The following PLCB1 variants were observed in gnomAD, a reference collection of about 807,000 sequenced individuals.
PLCB1 encodes phospholipase C beta 1, also known as 1-phosphatidylinositol 4,5-bisphosphate phosphodiesterase beta-1.
Under a neutral mutation model 161.8 loss-of-function variants are expected in PLCB1, and 46 were observed. The observed-to-expected ratio is 0.28, with a 90% CI of 0.22 to 0.36. The LOEUF is 0.36. Ranked by LOEUF, PLCB1 falls within the 10% of genes least tolerant of loss-of-function variation. PLCB1 has a pLI of 1.00. For synonymous variants in PLCB1, 517 were observed against 503.7 expected, an observed-to-expected ratio of 1.03 and a Z score of -0.35; for missense variants, 1,016 against 1,472.5, an observed-to-expected ratio of 0.69 and a Z score of 5.07.
At chr20:8,172,696 A>G (rs1046082075) in intron 2 of PLCB1, among the ~76,000 whole-genome samples, 1 of 152,174 alleles carries the variant, frequency 6.6e-6, no homozygotes, top group Non-Finnish European at 1.5e-5. Context: ...GCCAGATTAG[A>G]TATTGGACCT....
intron 31 of PLCB1, among the ~76,000 whole-genome samples, chr20:8,835,364 C>A (rs1986239687): frequency 1.3e-5 from 2 of 152,110 alleles, no homozygotes. Flanking sequence ...TTTGTTAGAC[C>A]TATTTCAGGG....
At chr20:8,139,254 T>C (rs2051379753) in intron 1 of PLCB1, among the ~76,000 whole-genome samples, 1 of 151,688 alleles carries the variant, frequency 6.6e-6, no homozygotes, top group African/African-American at 2.4e-5. Context: ...GCCCAGCTAA[T>C]TTATTTTTAT....
At chr20:8,825,360 C>T (rs903158453) in intron 31 of PLCB1, among the ~76,000 whole-genome samples, 2 of 152,138 alleles carry the variant, frequency 1.3e-5, no homozygotes, top group Admixed American at 1.3e-4. Context: ...CATCTTGGAG[C>T]AAGTGATATT....
At chr20:8,684,873 G>T in intron 9 of PLCB1, 59 bp from the exon 10 acceptor site, 1 of 1,336,204 alleles carries the variant, frequency 7.5e-7, no homozygotes, top group Non-Finnish European at 1.0e-6. Context: ...AAAAAAAAGA[G>T]GCGACTTGAC....
intron 3 of PLCB1, among the ~76,000 whole-genome samples, chr20:8,407,354 G>A (rs1337116086): frequency 6.6e-6 from 1 of 152,074 alleles, no homozygotes; most frequent in East Asian, 1.9e-4. Flanking sequence ...GGAGAAACCT[G>A]ACAAACACTC....
chr20:8,510,660 G>A (rs1294941457), intron 3 of PLCB1, among the ~76,000 whole-genome samples: 3 of 151,960 alleles, frequency 2.0e-5, no homozygotes, highest in African/African-American at 7.3e-5. Flanking sequence ...CAAAGTGCTG[G>A]GATTACAGGC....
chr20:8,865,662 C>T (rs992825546), intron 31 of PLCB1, among the ~76,000 whole-genome samples: 2 of 152,128 alleles, frequency 1.3e-5, no homozygotes, highest in Non-Finnish European at 1.5e-5. Context: ...TAATGTGGCT[C>T]CATCATCCCC....
intron 2 of PLCB1, among the ~76,000 whole-genome samples, chr20:8,233,247 G>T (rs1434005495): frequency 3.3e-5 from 5 of 152,098 alleles, no homozygotes; most frequent in Non-Finnish European, 5.9e-5. Flanking sequence ...TCAATTGCTG[G>T]TCATCTAATG....
intron 31 of PLCB1, among the ~76,000 whole-genome samples, chr20:8,824,035 A>C (rs75814368): frequency 6.6e-6 from 1 of 151,978 alleles, no homozygotes; most frequent in African/African-American, 2.4e-5. Context: ...TCAGTTTAAC[A>C]TCTTATCTCC....
chr20:8,852,410 A>G (rs748930883), intron 31 of PLCB1, among the ~76,000 whole-genome samples: 16 of 152,196 alleles, frequency 1.1e-4, no homozygotes, highest in Admixed American at 3.3e-4. Context: ...ACTCTGAGTT[A>G]CCTTATTCCT....
intron 3 of PLCB1, among the ~76,000 whole-genome samples, chr20:8,374,034 T>C (rs1337891486): frequency 6.6e-6 from 1 of 152,146 alleles, no homozygotes; most frequent in Admixed American, 6.5e-5. Context: ...TAGGTGCCTC[T>C]TTTTTTCATC....
intron 14 of PLCB1, 54 bp downstream of exon 14, chr20:8,717,902 T>C: frequency 6.5e-7 from 1 of 1,529,554 alleles, no homozygotes; most frequent in Non-Finnish European, 8.8e-7. Flanking sequence ...TAAGAATTGC[T>C]GCTCTGGGCT....
chr20:8,313,861 C>T (rs892197162), intron 2 of PLCB1, among the ~76,000 whole-genome samples: 2 of 152,150 alleles, frequency 1.3e-5, no homozygotes, highest in Admixed American at 6.5e-5. Context: ...AGCCTAATAT[C>T]TGTGTCATTG....
intron 2 of PLCB1, among the ~76,000 whole-genome samples, chr20:8,293,573 G>A (rs977860125): frequency 2.0e-5 from 3 of 151,892 alleles, no homozygotes; most frequent in African/African-American, 7.3e-5. Context: ...TACACTGGAA[G>A]TCTGGTGCCA....
intron 20 of PLCB1, among the ~76,000 whole-genome samples, chr20:8,738,951 A>G (rs1383929581): frequency 6.6e-6 from 1 of 152,184 alleles, no homozygotes; most frequent in Non-Finnish European, 1.5e-5. Flanking sequence ...GGAGTTCGAG[A>G]CCAGCCTGAC....
rs568865389 is a variant in PLCB1, at chr20:8,452,285, C to G, written c.246+80835C>G. ...CAGCCTCTTACCTTTTTGCTAAAACCAAAAGTTCAAAAGAAAGGTGATCAG... is the reference window on the plus strand; with the variant it reads ...CAGCCTCTTACCTTTTTGCTAAAACGAAAAGTTCAAAAGAAAGGTGATCAG... On this transcript the variant is annotated intron_variant, in intron 3 of 31. Transcript: ENST00000338037. 1.4e-4 allele frequency among the ~76,000 whole-genome samples: 21 copies of G among 151,834 alleles called. No individual in the cohort carries two copies. The South Asian group carries it at 3.7e-3, about 27-fold the overall frequency.
intron 2 of PLCB1, among the ~76,000 whole-genome samples, chr20:8,199,488 A>T (rs529200055): frequency 6.6e-6 from 1 of 152,310 alleles, no homozygotes; most frequent in Admixed American, 6.5e-5. Context: ...CTTTGGCAAT[A>T]TCAAAATATA....
chr20:8,529,375 A>G (rs7354585), intron 3 of PLCB1, among the ~76,000 whole-genome samples: 1 of 152,030 alleles, frequency 6.6e-6, no homozygotes, highest in East Asian at 1.9e-4. Flanking sequence ...CAAAGTGGGT[A>G]TGAACAGCAA....
intron 3 of PLCB1, among the ~76,000 whole-genome samples, chr20:8,583,922 G>C (rs1986908859): frequency 6.6e-6 from 1 of 152,008 alleles, no homozygotes; most frequent in African/African-American, 2.4e-5. Context: ...TCATAAAAAG[G>C]GGCCCGTCAG....
Sources: gnomAD v4.1 joint callset for allele counts (sites outside exome capture counted in the v4.1 genomes callset) on GRCh38, gnomAD v4.1.1 for gene constraint, MANE v1.5 for transcripts, NCBI Gene and HGNC (gene_info 2026-07-23, HGNC 2026-07-21) for gene names.